The following LRBA variants were observed in gnomAD, a reference collection of about 807,000 sequenced individuals.
LRBA encodes the protein lipopolysaccharide-responsive and beige-like anchor protein.
A neutral mutation model predicts 330.0 loss-of-function variants in LRBA; 176 were observed. The ratio of observed to expected loss-of-function variants is 0.53; its 90% CI spans 0.47 to 0.60. LRBA has a LOEUF of 0.60. Among genes scored for constraint, LRBA ranks in the 20% least tolerant of loss-of-function variants. The pLI is 0.00. For synonymous variants in LRBA, 1,230 were observed against 1,193.0 expected (o/e 1.03, Z -0.64); for missense variants, 3,259 against 3,444.8 (o/e 0.95, Z 1.35).
chr4:150,942,805 C>T (rs1444682397), intron 2 of LRBA, among the ~76,000 whole-genome samples: 3 of 152,014 alleles, frequency 2.0e-5, no homozygotes, highest in Non-Finnish European at 4.4e-5. Flanking sequence ...GACTACAAAT[C>T]AGACTATCTG....
At chr4:150,630,628 A>C (rs907112253) in intron 37 of LRBA, among the ~76,000 whole-genome samples, 8 of 152,168 alleles carry the variant, frequency 5.3e-5, no homozygotes, top group Non-Finnish European at 2.9e-5. Context: ...GCAATAAGAT[A>C]AAAAGTGACC....
At chr4:150,504,254 A>G (rs1760730178) in intron 40 of LRBA, among the ~76,000 whole-genome samples, 1 of 152,152 alleles carries the variant, frequency 6.6e-6, no homozygotes, top group African/African-American at 2.4e-5. Context: ...CCACAAAGAT[A>G]CTCCTCGAGA....
Position 150,599,081 on chromosome 4 carries a change from C to A in LRBA, c.5972G>T (p.Arg1991Leu), listed in dbSNP as rs1277639509. Reference sequence around the variant, plus strand: ...AGGGTTACGCACAAATCGTCGCCGGCGCCGCAAGTCATCTTCCCAGTAGTC... The same window carrying A: ...AGGGTTACGCACAAATCGTCGCCGGAGCCGCAAGTCATCTTCCCAGTAGTC... ...RLDYWEDDLRRRRRFVRNPLG... is the reference protein window; with the variant it reads ...RLDYWEDDLRLRRRFVRNPLG... The change falls in exon 38 of 57, where the codon CGC (arginine) becomes CTC (leucine). Residue 1991 changes from arginine (R) to leucine (L), a missense_variant. Arg to Leu is a moderately radical substitution (Grantham distance 102). Transcript: ENST00000651943. The A allele has an allele frequency of 6.2e-7, 1 of 1,614,090 alleles. No homozygotes were observed. The highest frequency in any genetic ancestry group is 8.5e-7 in the Non-Finnish European group (1 of 1,179,992).
chr4:150,378,022 G>A (rs1741629292), intron 47 of LRBA, among the ~76,000 whole-genome samples: 1 of 151,750 alleles, frequency 6.6e-6, no homozygotes, highest in Non-Finnish European at 1.5e-5. Flanking sequence ...CCCATACCAG[G>A]TAAACCTATA....
chr4:150,867,589 G>T, intron 22 of LRBA, 82 bp downstream of exon 22: 1 of 1,101,436 alleles, frequency 9.1e-7, no homozygotes, highest in Non-Finnish European at 1.3e-6. Flanking sequence ...TTGATTTTAA[G>T]TATCGAAATT....
intron 35 of LRBA, among the ~76,000 whole-genome samples, chr4:150,757,609 T>C (rs769620443): frequency 6.6e-5 from 10 of 152,118 alleles, no homozygotes; most frequent in Non-Finnish European, 1.2e-4. Flanking sequence ...TGGGATTAAG[T>C]CTAGTAGTCA....
At chr4:150,473,747 G>C (rs1339992110) in intron 42 of LRBA, among the ~76,000 whole-genome samples, 1 of 152,112 alleles carries the variant, frequency 6.6e-6, no homozygotes, top group Non-Finnish European at 1.5e-5. Flanking sequence ...GTCTCCAGCT[G>C]TAGATGGTGT....
chr4:150,761,110 G>T (rs148191860), intron 35 of LRBA, among the ~76,000 whole-genome samples: 1 of 151,760 alleles, frequency 6.6e-6, no homozygotes, highest in Non-Finnish European at 1.5e-5. Flanking sequence ...CTATACTCTG[G>T]GTCTTCAGTT....
intron 47 of LRBA, among the ~76,000 whole-genome samples, chr4:150,375,583 C>T (rs772766699): frequency 1.3e-5 from 2 of 151,268 alleles, no homozygotes; most frequent in Non-Finnish European, 1.5e-5. Flanking sequence ...CTCAGCCTCC[C>T]GAGTAGCTGG....
chr4:150,545,289 T>A (rs571098939), intron 40 of LRBA, among the ~76,000 whole-genome samples: 15 of 152,256 alleles, frequency 9.9e-5, no homozygotes, highest in African/African-American at 3.4e-4. Context: ...AATACAAAAG[T>A]TTAACCTCAA....
rs75424660 is a variant in LRBA at position 150,695,311 on chromosome 4, C to T, written c.5755-11594G>A. 2.4e-4 allele frequency among the ~76,000 whole-genome samples: 37 copies of T among 152,144 alleles called. 1 individual carries two copies. The East Asian group carries it at 7.2e-3, about 29-fold the overall frequency. ...TCCCCAGGTTCTACATCTACAGATT[C>T]GACCAAATTTTTTGTTTTGTTTTGT... On this transcript the variant is annotated intron_variant, in intron 36 of 56. Coordinates refer to ENST00000651943, the MANE Select transcript of LRBA (RefSeq NM_001364905.1).
chr4:150,874,638 C>T (rs1489810058), intron 17 of LRBA, among the ~76,000 whole-genome samples: 1 of 152,184 alleles, frequency 6.6e-6, no homozygotes, highest in East Asian at 1.9e-4. Context: ...CTCCAGCCTG[C>T]TACCCTGACA....
intron 37 of LRBA, among the ~76,000 whole-genome samples, chr4:150,660,604 A>G (rs1386437215): frequency 2.1e-5 from 3 of 145,616 alleles, no homozygotes; most frequent in South Asian, 2.3e-4. Context: ...CAGGATGACA[A>G]TGGCGGCCTT....
intron 35 of LRBA, among the ~76,000 whole-genome samples, chr4:150,758,658 C>T (rs1345115977): frequency 6.6e-6 from 1 of 150,918 alleles, no homozygotes; most frequent in East Asian, 2.0e-4. Flanking sequence ...ACTGCAGCCT[C>T]GACCTCCTGG....
chr4:150,427,053 A>G (rs1489213158), intron 46 of LRBA, among the ~76,000 whole-genome samples: 1 of 151,950 alleles, frequency 6.6e-6, no homozygotes, highest in East Asian at 1.9e-4. Context: ...CTGCCGTAAG[A>G]GAAGATGCAA....
At chr4:150,565,248 G>A (rs1768976697) in intron 40 of LRBA, among the ~76,000 whole-genome samples, 1 of 151,614 alleles carries the variant, frequency 6.6e-6, no homozygotes, top group Non-Finnish European at 1.5e-5. Context: ...AGCAAACACA[G>A]GAACCAACAC....
chr4:150,692,062 G>A (rs1251777677), intron 36 of LRBA, among the ~76,000 whole-genome samples: 1 of 152,062 alleles, frequency 6.6e-6, no homozygotes, highest in East Asian at 1.9e-4. Flanking sequence ...GATCACAGGG[G>A]AATTCTCTAG....
chr4:150,889,861 G>A (rs1729295821), intron 17 of LRBA, among the ~76,000 whole-genome samples: 3 of 151,800 alleles, frequency 2.0e-5, no homozygotes, highest in Admixed American at 6.6e-5. Flanking sequence ...GGTTATAGCA[G>A]GAAAGTAACC....
chr4:150,357,743 C>G (rs1450248817), intron 47 of LRBA, among the ~76,000 whole-genome samples: 3 of 151,216 alleles, frequency 2.0e-5, no homozygotes, highest in Non-Finnish European at 4.4e-5. Flanking sequence ...ATTTTGCAAG[C>G]CTTTGCTCAG....
Sources: gnomAD v4.1 joint callset for allele counts (sites outside exome capture counted in the v4.1 genomes callset) on GRCh38, gnomAD v4.1.1 for gene constraint, MANE v1.5 for transcripts, NCBI Gene and HGNC (gene_info 2026-07-23, HGNC 2026-07-21) for gene names.